FSTL5: variants seen among roughly 807,000 people sequenced by gnomAD.
The protein encoded by FSTL5 is follistatin-related protein 5.
A neutral mutation model predicts 89.1 loss-of-function variants in FSTL5; 62 were observed. The ratio of observed to expected loss-of-function variants is 0.70; its 90% CI spans 0.57 to 0.86. The LOEUF (loss-of-function observed/expected upper bound fraction) is 0.86. Among genes scored for constraint, FSTL5 ranks in the 40% least tolerant of loss-of-function variants. The pLI is 0.00. For missense variants in FSTL5, 1,057 were observed against 1,001.6 expected, an observed-to-expected ratio of 1.06 and a Z score of -0.75; for synonymous variants, 383 against 346.2, an observed-to-expected ratio of 1.11 and a Z score of -1.18.
chr4:162,102,393 G>A (rs1436966649), intron 2 of FSTL5, among the ~76,000 whole-genome samples: 2 of 151,104 alleles, frequency 1.3e-5, no homozygotes, highest in Non-Finnish European at 1.5e-5. Context: ...ATAAGACAAA[G>A]TAGGCAAATA....
At chr4:162,067,649 C>A (rs1273156613) in intron 2 of FSTL5, among the ~76,000 whole-genome samples, 1 of 151,984 alleles carries the variant, frequency 6.6e-6, no homozygotes, top group Non-Finnish European at 1.5e-5. Flanking sequence ...CAGCACAAGA[C>A]AAAGATGACC....
intron 6 of FSTL5, among the ~76,000 whole-genome samples, chr4:161,670,185 T>C (rs1361473942): frequency 1.3e-5 from 2 of 152,178 alleles, no homozygotes; most frequent in African/African-American, 4.8e-5. Flanking sequence ...GAAGAGAAAT[T>C]GCATATACAT....
chr4:161,540,365 A>C (rs1233536604), intron 9 of FSTL5, among the ~76,000 whole-genome samples: 1 of 152,058 alleles, frequency 6.6e-6, no homozygotes, highest in Non-Finnish European at 1.5e-5. Flanking sequence ...TTTTACTTCA[A>C]ATCTTTATAT....
intron 15 of FSTL5, among the ~76,000 whole-genome samples, chr4:161,418,061 A>G (rs778822511): frequency 6.6e-6 from 1 of 152,128 alleles, no homozygotes; most frequent in Non-Finnish European, 1.5e-5. Context: ...AGTGCTCCCA[A>G]TGTCTGGGTG....
chr4:161,429,360 G>A (rs1450941063), intron 15 of FSTL5, among the ~76,000 whole-genome samples: 1 of 152,176 alleles, frequency 6.6e-6, no homozygotes, highest in Non-Finnish European at 1.5e-5. Flanking sequence ...CAAGGGCCTT[G>A]AGCAAACATA....
chr4:161,636,197 A>G (rs1468118168), intron 7 of FSTL5, among the ~76,000 whole-genome samples: 1 of 152,150 alleles, frequency 6.6e-6, no homozygotes, highest in Non-Finnish European at 1.5e-5. Flanking sequence ...TCTGTCTCAA[A>G]GCATCAAAAC....
chr4:161,454,110 C>G lies in FSTL5; in HGVS notation c.1841+894G>C, dbSNP rs116648687. Reference sequence around the variant, plus strand: ...ATTATGCAGTCTTTCATAATTCTCACAACTGCAATTTTTAGATGATATAAT... The same window carrying G: ...ATTATGCAGTCTTTCATAATTCTCAGAACTGCAATTTTTAGATGATATAAT... On this transcript the variant is annotated intron_variant, in intron 15 of 15. Transcript: ENST00000306100. Among the ~76,000 whole-genome samples, 553 of 152,212 alleles carry G rather than the reference C, an allele frequency of 3.6e-3. 3 individuals carry two copies. Among genetic ancestry groups the G allele is most frequent in the African/African-American group, 0.012 (503 of 41,554 alleles).
chr4:162,145,486 T>A (rs1732937649), intron 1 of FSTL5, among the ~76,000 whole-genome samples: 1 of 152,096 alleles, frequency 6.6e-6, no homozygotes, highest in African/African-American at 2.4e-5. Context: ...TTTCCCTACA[T>A]ATGCACTGAA....
At chr4:162,130,719 T>G (rs1004584175) in intron 1 of FSTL5, among the ~76,000 whole-genome samples, 1 of 152,080 alleles carries the variant, frequency 6.6e-6, no homozygotes, top group Non-Finnish European at 1.5e-5. Flanking sequence ...TAATTAAACT[T>G]ATAACAGCAA....
chr4:161,513,479 T>C (rs369144327), intron 10 of FSTL5, among the ~76,000 whole-genome samples: 11 of 152,128 alleles, frequency 7.2e-5, no homozygotes, highest in African/African-American at 2.7e-4. Flanking sequence ...CATTACTGGG[T>C]ATATACCCAA....
intron 4 of FSTL5, among the ~76,000 whole-genome samples, chr4:161,780,364 G>C (rs774165199): frequency 4.6e-5 from 7 of 152,016 alleles, no homozygotes; most frequent in Non-Finnish European, 8.8e-5. Context: ...TACTTTGATA[G>C]AATCATTTTC....
At chr4:161,934,988 T>C (rs1029971271) in intron 3 of FSTL5, among the ~76,000 whole-genome samples, 51 of 152,282 alleles carry the variant, frequency 3.3e-4, no homozygotes, top group African/African-American at 1.2e-3. Flanking sequence ...TAAACCTAGA[T>C]GGTTCAATTA....
At chr4:161,395,542 T>A (rs567280908) in intron 15 of FSTL5, among the ~76,000 whole-genome samples, 3 of 152,146 alleles carry the variant, frequency 2.0e-5, no homozygotes, top group African/African-American at 7.2e-5. Context: ...TAACATTTTA[T>A]AATTAGATTG....
At chr4:161,938,809 T>A (rs1426834420) in intron 3 of FSTL5, among the ~76,000 whole-genome samples, 1 of 152,052 alleles carries the variant, frequency 6.6e-6, no homozygotes, top group African/African-American at 2.4e-5. Context: ...GAATAAGCAT[T>A]GTCTTTATTT....
In FSTL5 at chr4:161,528,966, AT is replaced by A. The variant is rs1731322757; in HGVS notation, c.1312+9199del. The stretch of plus-strand genomic sequence containing the variant: ...GTCATATAAATAAAATTTCATCATC[AT>A]CATCAACTTATCCTAAAATAAATTA... On this transcript the variant is annotated intron_variant, in intron 10 of 15. Coordinates refer to ENST00000306100, the MANE Select transcript of FSTL5 (RefSeq NM_020116.5). Among the ~76,000 whole-genome samples the A allele has an allele frequency of 1.4e-5, 2 of 140,140 alleles. 1 individual carries two copies. Among genetic ancestry groups the A allele is most frequent in the African/African-American group, 5.4e-5 (2 of 37,332 alleles). 91.9% of individuals were successfully genotyped at this position (140,140 alleles called of 152,430 possible).
chr4:162,142,333 G>T (rs776941975), intron 1 of FSTL5, among the ~76,000 whole-genome samples: 1 of 152,146 alleles, frequency 6.6e-6, no homozygotes, highest in Non-Finnish European at 1.5e-5. Context: ...GCATTATTGA[G>T]AGCTAGCAAT....
intron 7 of FSTL5, among the ~76,000 whole-genome samples, chr4:161,601,494 A>C (rs955629176): frequency 6.6e-6 from 1 of 152,144 alleles, no homozygotes; most frequent in Non-Finnish European, 1.5e-5. Context: ...TCTGCTCAAC[A>C]GGCTTAGAGC....
At chr4:161,415,384 T>G (rs747796124) in intron 15 of FSTL5, among the ~76,000 whole-genome samples, 11 of 151,946 alleles carry the variant, frequency 7.2e-5, no homozygotes, top group Non-Finnish European at 1.3e-4. Flanking sequence ...GCTTCCTGAG[T>G]GGCTTGGGTT....
intron 4 of FSTL5, among the ~76,000 whole-genome samples, chr4:161,848,789 G>C (rs1731458754): frequency 1.3e-5 from 2 of 152,258 alleles, no homozygotes; most frequent in East Asian, 3.9e-4. Flanking sequence ...AGGGAAAAGA[G>C]TCTTGACAAA....
Sources: gnomAD v4.1 joint callset for allele counts (sites outside exome capture counted in the v4.1 genomes callset) on GRCh38, gnomAD v4.1.1 for gene constraint, MANE v1.5 for transcripts, NCBI Gene and HGNC (gene_info 2026-07-23, HGNC 2026-07-21) for gene names.